The following MARCHF1 variants were observed in gnomAD, a reference collection of about 807,000 sequenced individuals.
MARCHF1 encodes the protein membrane associated ring-CH-type finger 1.
MARCHF1 carries 40 observed loss-of-function variants against 54.2 expected under a neutral mutation model. The observed-to-expected ratio is 0.74, with a 90% CI of 0.57 to 0.96. The LOEUF is 0.96. Among genes scored for constraint, MARCHF1 ranks in the 40% least tolerant of loss-of-function variants. The pLI is 0.00. For synonymous variants in MARCHF1, 236 were observed against 236.3 expected, an observed-to-expected ratio of 1.00 and a Z score of 0.01; for missense variants, 586 against 656.5, an observed-to-expected ratio of 0.89 and a Z score of 1.17.
At chr4:164,156,897 A>G (rs1384038782) in intron 1 of MARCHF1, among the ~76,000 whole-genome samples, 1 of 142,070 alleles carries the variant, frequency 7.0e-6, no homozygotes, top group Non-Finnish European at 1.5e-5. Flanking sequence ...TCTTCAAAGC[A>G]TCTCACCCCA....
chr4:164,373,598 G>A (rs183104657), intron 1 of MARCHF1, among the ~76,000 whole-genome samples: 1 of 152,028 alleles, frequency 6.6e-6, no homozygotes, highest in Non-Finnish European at 1.5e-5. Context: ...CCAGTGGCCT[G>A]CCTGCTTTGG....
chr4:163,548,758 C>T (rs1451022925), intron 8 of MARCHF1, among the ~76,000 whole-genome samples: 1 of 151,972 alleles, frequency 6.6e-6, no homozygotes, highest in East Asian at 1.9e-4. Context: ...TAAACCTTTC[C>T]CTTCATATTG....
chr4:164,245,407 T>G (rs564064744), intron 1 of MARCHF1, among the ~76,000 whole-genome samples: 1,844 of 152,290 alleles, frequency 0.012, 16 homozygotes, highest in African/African-American at 0.041. Context: ...CGATGCTTCA[T>G]GCTAAAAACT....
intron 5 of MARCHF1, among the ~76,000 whole-genome samples, chr4:163,691,731 C>G (rs908475273): frequency 6.6e-6 from 1 of 152,100 alleles, no homozygotes; most frequent in Non-Finnish European, 1.5e-5. Flanking sequence ...TGAGGTGAAA[C>G]AAACTTAATT....
chr4:164,321,485 T>TA (rs11464992), intron 1 of MARCHF1, among the ~76,000 whole-genome samples: 15,022 of 145,322 alleles, frequency 0.1, 827 homozygotes, highest in Middle Eastern at 0.12. Flanking sequence ...ACACCAAGGA[T>TA]AAAAAAAAAA....
At chr4:164,080,719 A>G (rs1434051614) in intron 2 of MARCHF1, among the ~76,000 whole-genome samples, 1 of 151,592 alleles carries the variant, frequency 6.6e-6, no homozygotes, top group Non-Finnish European at 1.5e-5. Context: ...CAAAAAATTC[A>G]CTGAAAAGCC....
intron 3 of MARCHF1, among the ~76,000 whole-genome samples, chr4:163,982,078 T>G (rs1752774904): frequency 6.6e-6 from 1 of 152,188 alleles, no homozygotes; most frequent in African/African-American, 2.4e-5. Flanking sequence ...ACAAGAAAAA[T>G]TAATGTGAAT....
chr4:163,817,622 G>A (rs919903885), intron 4 of MARCHF1, among the ~76,000 whole-genome samples: 1 of 151,752 alleles, frequency 6.6e-6, no homozygotes, highest in Non-Finnish European at 1.5e-5. Flanking sequence ...ATTTTCAATA[G>A]GACAGTACCC....
At chr4:163,794,063 C>T (rs1747846257) in intron 4 of MARCHF1, among the ~76,000 whole-genome samples, 1 of 152,146 alleles carries the variant, frequency 6.6e-6, no homozygotes, top group Non-Finnish European at 1.5e-5. Flanking sequence ...AAATGTGTCA[C>T]TTATGCAAAT....
chr4:163,766,016 CTTAAT>C (rs1393588386), intron 4 of MARCHF1, among the ~76,000 whole-genome samples: 5 of 150,070 alleles, frequency 3.3e-5, no homozygotes, highest in Non-Finnish European at 7.4e-5. Context: ...GCTTTTTTGC[CTTAAT>C]TTATGTTGTG....
Position 164,310,525 on chromosome 4 carries a change from AT to A in MARCHF1, c.-323+73344del, listed in dbSNP as rs200251751. On this transcript the variant is annotated intron_variant, in intron 1 of 9. Transcript: ENST00000514618. ...ATTGAACTACTAGGAGAAAAAAATCATTTTTATACAGGACGTGTAGATTCAA... is the reference window on the plus strand; with the variant it reads ...ATTGAACTACTAGGAGAAAAAAATCATTTTATACAGGACGTGTAGATTCAA... Among the ~76,000 whole-genome samples, 911 of 152,058 alleles carry A rather than the reference AT, an allele frequency of 6.0e-3. 34 individuals are homozygous for A. The highest frequency in any genetic ancestry group is 0.029 in the East Asian group (150 of 5,170).
At chr4:163,899,842 G>C (rs1750899842) in intron 3 of MARCHF1, among the ~76,000 whole-genome samples, 1 of 150,954 alleles carries the variant, frequency 6.6e-6, no homozygotes, top group Admixed American at 6.6e-5. Context: ...TAACAATAAA[G>C]TGGGTTTTGC....
chr4:164,298,591 G>T (rs1004479342), intron 1 of MARCHF1, among the ~76,000 whole-genome samples: 14 of 152,042 alleles, frequency 9.2e-5, no homozygotes, highest in Non-Finnish European at 2.1e-4. Context: ...TTAATATCAA[G>T]AGTTGGTCTT....
chr4:164,121,466 G>C (rs995115908), intron 1 of MARCHF1, among the ~76,000 whole-genome samples: 2 of 152,136 alleles, frequency 1.3e-5, no homozygotes, highest in East Asian at 1.9e-4. Context: ...GCAAGAGAGA[G>C]ATGTGCTGAG....
At chr4:163,578,777 T>A (rs999947497) in intron 8 of MARCHF1, among the ~76,000 whole-genome samples, 1 of 152,210 alleles carries the variant, frequency 6.6e-6, no homozygotes, top group Non-Finnish European at 1.5e-5. Flanking sequence ...TGTTCCATCC[T>A]TCTGCAGTAG....
At chr4:163,671,548 A>G (rs1204676392) in intron 5 of MARCHF1, among the ~76,000 whole-genome samples, 3 of 152,194 alleles carry the variant, frequency 2.0e-5, no homozygotes, top group African/African-American at 7.2e-5. Flanking sequence ...CTTTGTAGAT[A>G]CTTTCCTTGT....
intron 5 of MARCHF1, among the ~76,000 whole-genome samples, chr4:163,642,247 G>A (rs115927190): frequency 6.6e-6 from 1 of 152,152 alleles, no homozygotes; most frequent in South Asian, 2.1e-4. Flanking sequence ...TTAGGTTTCT[G>A]TTGCTCCCCA....
At chr4:163,599,192 G>T (rs1314713060) in intron 7 of MARCHF1, among the ~76,000 whole-genome samples, 1 of 152,092 alleles carries the variant, frequency 6.6e-6, no homozygotes, top group Non-Finnish European at 1.5e-5. Context: ...GGGAGGCTGA[G>T]ACAGGGAGAA....
At chr4:164,282,841 C>T (rs973150000) in intron 1 of MARCHF1, among the ~76,000 whole-genome samples, 2 of 151,094 alleles carry the variant, frequency 1.3e-5, no homozygotes, top group Non-Finnish European at 2.9e-5. Context: ...TACGATGACT[C>T]CCTAATAATA....
Sources: gnomAD v4.1 joint callset for allele counts (sites outside exome capture counted in the v4.1 genomes callset) on GRCh38, gnomAD v4.1.1 for gene constraint, MANE v1.5 for transcripts, NCBI Gene and HGNC (gene_info 2026-07-23, HGNC 2026-07-21) for gene names.